Variants in MGAT5 observed in about 807,000 individuals in gnomAD.
MGAT5 encodes alpha-1,6-mannosylglycoprotein 6-beta-N-acetylglucosaminyltransferase, also known as alpha-1,6-mannosylglycoprotein 6-beta-N-acetylglucosaminyltransferase A.
In MGAT5, 30 loss-of-function variants were observed where a neutral mutation model predicts 94.3. The observed-to-expected ratio is 0.32, with a 90% confidence interval of 0.24 to 0.43. The LOEUF is 0.43. Ranked by LOEUF, MGAT5 falls within the 20% of genes least tolerant of loss-of-function variation. MGAT5 has a pLI of 1.00. For synonymous variants in MGAT5, 310 were observed against 322.9 expected (o/e 0.96, Z 0.43); for missense variants, 691 against 905.5 (o/e 0.76, Z 3.04).
At chr2:134,373,932 A>G in intron 10 of MGAT5, among the ~76,000 whole-genome samples, 1 of 152,206 alleles carries the variant, frequency 6.6e-6, no homozygotes, top group African/African-American at 2.4e-5. Flanking sequence ...CCTCGTCAAC[A>G]CTGCTAGAGG....
intron 1 of MGAT5, among the ~76,000 whole-genome samples, chr2:134,124,389 G>A: frequency 6.6e-6 from 1 of 152,206 alleles, no homozygotes; most frequent in African/African-American, 2.4e-5. Context: ...CATGGGAGGG[G>A]TTGGAGGAAT....
In MGAT5 at chr2:134,372,521, C is replaced by T. The variant is rs550233627; in HGVS notation, c.1380+10113C>T. 2.2e-4 allele frequency among the ~76,000 whole-genome samples: 33 copies of T among 152,298 alleles called. No homozygotes were observed. The South Asian group carries it at 3.7e-3, about 17-fold the overall frequency. ...TGTGTCTATTTTACAGGTGATAAAG[C>T]CTCAGAGACATTTAGAAGAAACAGT... On this transcript the variant is annotated intron_variant, in intron 10 of 15. Coordinates refer to ENST00000281923, the MANE Select transcript of MGAT5 (RefSeq NM_002410.5).
At chr2:134,337,242 A>C (rs1688385854) in intron 5 of MGAT5, among the ~76,000 whole-genome samples, 1 of 152,226 alleles carries the variant, frequency 6.6e-6, no homozygotes, top group Non-Finnish European at 1.5e-5. Context: ...TAGGAGGCTG[A>C]GGCAGGAGGA....
chr2:134,315,303 G>A (rs1371523647), intron 2 of MGAT5, among the ~76,000 whole-genome samples: 1 of 152,078 alleles, frequency 6.6e-6, no homozygotes, highest in African/African-American at 2.4e-5. Flanking sequence ...ACCAACCCCA[G>A]GCTCTCATAG....
intron 2 of MGAT5, among the ~76,000 whole-genome samples, chr2:134,301,605 G>T (rs1686023720): frequency 6.6e-6 from 1 of 152,136 alleles, no homozygotes; most frequent in Admixed American, 6.6e-5. Flanking sequence ...AGAGGCGTGT[G>T]TCTATTAAGG....
Position 134,413,909 on chromosome 2 carries a change from A to G in MGAT5, c.1677+894A>G, listed in dbSNP as rs1436542926. Among the ~76,000 whole-genome samples the G allele has an allele frequency of 2.6e-5, 4 of 152,306 alleles. No homozygotes were observed. In the East Asian group the frequency reaches 7.7e-4, roughly 29 times the overall value. ...CAGTTCTACTTTTAAACCCCTTCTG[A>G]GTCATTTTCTCTCCCAAATAGTATA... On this transcript the variant is annotated intron_variant, in intron 12 of 15. Coordinates refer to ENST00000281923, the MANE Select transcript of MGAT5 (RefSeq NM_002410.5).
At chr2:134,390,026 C>T (rs1424550298) in intron 10 of MGAT5, among the ~76,000 whole-genome samples, 3 of 152,164 alleles carry the variant, frequency 2.0e-5, no homozygotes, top group Admixed American at 1.3e-4. Flanking sequence ...TTCCATTCCA[C>T]GCTTCAGACT....
At chr2:134,375,238 T>TA (rs1681090464) in intron 10 of MGAT5, among the ~76,000 whole-genome samples, 1 of 152,186 alleles carries the variant, frequency 6.6e-6, no homozygotes, top group Non-Finnish European at 1.5e-5. Context: ...GAGGTAAAGG[T>TA]TCCTCAGGTG....
intron 1 of MGAT5, among the ~76,000 whole-genome samples, chr2:134,230,352 G>T (rs1488609018): frequency 6.6e-6 from 1 of 152,168 alleles, no homozygotes; most frequent in East Asian, 1.9e-4. Flanking sequence ...ACAGGCCAAG[G>T]ACTGGTACTG....
At chr2:134,384,164 A>G (rs1269055617) in intron 10 of MGAT5, among the ~76,000 whole-genome samples, 1 of 151,370 alleles carries the variant, frequency 6.6e-6, no homozygotes, top group Non-Finnish European at 1.5e-5. Context: ...GTTGAGTACC[A>G]TAGGGACCTC....
chr2:134,151,665 T>TCAA (rs1687188771), intron 1 of MGAT5, among the ~76,000 whole-genome samples: 5 of 28,984 alleles, frequency 1.7e-4, no homozygotes, highest in Non-Finnish European at 3.0e-4. Flanking sequence ...ACCTCACTCA[T>TCAA]GCCCTGTGGG....
chr2:134,341,062 A>G (rs1445515398), intron 6 of MGAT5, among the ~76,000 whole-genome samples: 1 of 152,206 alleles, frequency 6.6e-6, no homozygotes, highest in Non-Finnish European at 1.5e-5. Flanking sequence ...AAATATTTAC[A>G]GATGAAAGGA....
chr2:134,376,714 A>T (rs114105406), intron 10 of MGAT5, among the ~76,000 whole-genome samples: 1 of 152,214 alleles, frequency 6.6e-6, no homozygotes, highest in Non-Finnish European at 1.5e-5. Context: ...TGAAACTAGC[A>T]GGCCAATCTT....
intron 9 of MGAT5, among the ~76,000 whole-genome samples, chr2:134,353,074 G>C (rs570576394): frequency 6.6e-6 from 1 of 152,198 alleles, no homozygotes; most frequent in Middle Eastern, 3.4e-3. Context: ...ATGGCTATGG[G>C]GTTTCAGTAT....
chr2:134,267,222 A>G (rs1004455188), intron 1 of MGAT5, among the ~76,000 whole-genome samples: 1 of 152,198 alleles, frequency 6.6e-6, no homozygotes, highest in African/African-American at 2.4e-5. Context: ...GTGGTGAAGC[A>G]TGGTGGGTAA....
At chr2:134,131,292 C>T (rs1209092819) in intron 1 of MGAT5, among the ~76,000 whole-genome samples, 1 of 152,196 alleles carries the variant, frequency 6.6e-6, no homozygotes, top group East Asian at 1.9e-4. Context: ...GTCAATGAGA[C>T]CAAGAACCCA....
chr2:134,323,138 C>T (rs1189385987), intron 4 of MGAT5, among the ~76,000 whole-genome samples: 1 of 152,156 alleles, frequency 6.6e-6, no homozygotes, highest in African/African-American at 2.4e-5. Flanking sequence ...CTTTCACCCT[C>T]ACCAACTTGT....
At chr2:134,130,256 C>T (rs1364679696) in intron 1 of MGAT5, among the ~76,000 whole-genome samples, 15 of 150,888 alleles carry the variant, frequency 9.9e-5, no homozygotes, top group East Asian at 3.9e-4. Flanking sequence ...CGCCCCACAC[C>T]GCCCCACACC....
intron 13 of MGAT5, among the ~76,000 whole-genome samples, chr2:134,427,175 G>A (rs1684637364): frequency 6.6e-6 from 1 of 152,090 alleles, no homozygotes; most frequent in Non-Finnish European, 1.5e-5. Flanking sequence ...TAGAAGTTTT[G>A]CCTAGTTCTC....
Sources: allele counts gnomAD v4.1 joint callset (sites outside exome capture counted in the v4.1 genomes callset), GRCh38; gene constraint gnomAD v4.1.1; transcripts MANE v1.5; gene names NCBI Gene and HGNC (gene_info 2026-07-23, HGNC 2026-07-21).